Variants in DCC observed in about 807,000 individuals in gnomAD.
DCC encodes netrin receptor DCC.
In DCC, 58 loss-of-function variants were observed where a neutral mutation model predicts 172.5. The ratio of observed to expected loss-of-function variants is 0.34; its 90% CI spans 0.27 to 0.42. The LOEUF (loss-of-function observed/expected upper bound fraction) is 0.42, where lower values mean the gene tolerates loss of function less well. DCC is among the 10% of genes least tolerant of loss of function. DCC has a pLI of 1.00. For synonymous variants in DCC, 709 were observed against 644.5 expected (o/e 1.10, Z -1.52); for missense variants, 1,740 against 1,791.0 (o/e 0.97, Z 0.51).
intron 1 of DCC, among the ~76,000 whole-genome samples, chr18:52,425,786 C>T (rs974317328): frequency 2.0e-5 from 3 of 152,132 alleles, no homozygotes; most frequent in East Asian, 3.9e-4. Flanking sequence ...CAGCTCCACT[C>T]ATAGAAATTA....
rs1196659650 is a variant in DCC, at chr18:53,012,655, T to C, written c.986-50650T>C. Among the ~76,000 whole-genome samples, 5 of 152,256 alleles carry C rather than the reference T, an allele frequency of 3.3e-5. No homozygotes were observed. In the East Asian group the frequency reaches 5.8e-4, roughly 18 times the overall value. On this transcript the variant is annotated intron_variant, in intron 5 of 28. Coordinates refer to ENST00000442544, the MANE Select transcript of DCC (RefSeq NM_005215.4). ...AATCATGTGATACAGTTAAGATTTA[T>C]AGATTTTGCCAAATGTAAATTATGT...
chr18:52,844,130 T>A (rs2038848469), intron 2 of DCC, among the ~76,000 whole-genome samples: 1 of 152,148 alleles, frequency 6.6e-6, no homozygotes, highest in African/African-American at 2.4e-5. Context: ...TTAATCCACA[T>A]AACAGAGACA....
rs944878201 is a variant in DCC, at chr18:53,427,792, G to A, written c.3164-7352G>A. On this transcript the variant is annotated intron_variant, in intron 21 of 28. Coordinates refer to ENST00000442544, the MANE Select transcript of DCC (RefSeq NM_005215.4). ...TAGAATTCAGAGGAGTAACCAATGT[G>A]CTTCTAAAAACAGAAATATATATAA... Among the ~76,000 whole-genome samples, 21 of 135,640 alleles carry A rather than the reference G, an allele frequency of 1.5e-4. No individual in the cohort carries two copies. In the East Asian group the frequency reaches 4.7e-3, roughly 30 times the overall value. 89.0% of individuals were successfully genotyped at this position (135,640 alleles called of 152,430 possible). A position where few individuals can be genotyped will look rare whatever the true frequency, so the allele number is the denominator to read the frequency against.
At chr18:52,541,303 T>C (rs991882282) in intron 1 of DCC, among the ~76,000 whole-genome samples, 1 of 152,220 alleles carries the variant, frequency 6.6e-6, no homozygotes, top group Admixed American at 6.5e-5. Context: ...GCAAAAGCAA[T>C]TGAGCTCAGA....
rs149690797 is a variant in DCC, at chr18:52,423,305, T to C, written c.91+82427T>C. On this transcript the variant is annotated intron_variant, in intron 1 of 28. Transcript: ENST00000442544. Reference sequence around the variant, plus strand: ...TAGAGAAGCCCTGCAGAGGTAGAGATATCTTCAAACTGGGGGATCTGCAAA... The same window carrying C: ...TAGAGAAGCCCTGCAGAGGTAGAGACATCTTCAAACTGGGGGATCTGCAAA... Among the ~76,000 whole-genome samples, 839 of 152,192 alleles carry C rather than the reference T, an allele frequency of 5.5e-3. 9 individuals are homozygous for C. Among genetic ancestry groups the C allele is most frequent in the African/African-American group, 0.019 (787 of 41,534 alleles).
At chr18:53,175,068 A>G (rs1202854914) in intron 8 of DCC, among the ~76,000 whole-genome samples, 3 of 152,042 alleles carry the variant, frequency 2.0e-5, no homozygotes, top group Non-Finnish European at 4.4e-5. Flanking sequence ...AGAGCCAAAG[A>G]CAAAAACCAC....
At chr18:53,403,602 A>G (rs1018250919) in intron 19 of DCC, among the ~76,000 whole-genome samples, 34 of 152,348 alleles carry the variant, frequency 2.2e-4, no homozygotes, top group African/African-American at 7.2e-4. Flanking sequence ...TCTCCATAGC[A>G]TATAATTATT....
intron 12 of DCC, among the ~76,000 whole-genome samples, chr18:53,261,080 G>A (rs1224093029): frequency 4.6e-5 from 7 of 152,076 alleles, no homozygotes; most frequent in East Asian, 3.9e-4. Context: ...GGAGTGACCC[G>A]ATTTTCCAGG....
intron 14 of DCC, among the ~76,000 whole-genome samples, chr18:53,322,793 TA>T: frequency 6.6e-6 from 1 of 151,774 alleles, no homozygotes; most frequent in East Asian, 1.9e-4. Flanking sequence ...ACTAAATTTT[TA>T]AAATAAAATT....
chr18:53,048,245 A>ATT (rs199612587), intron 5 of DCC, among the ~76,000 whole-genome samples: 1 of 147,428 alleles, frequency 6.8e-6, no homozygotes, highest in African/African-American at 2.5e-5. Context: ...CCCAATAGGT[A>ATT]TTTTTTTTTT....
At chr18:52,811,406 C>T (rs2038196299) in intron 2 of DCC, among the ~76,000 whole-genome samples, 1 of 152,088 alleles carries the variant, frequency 6.6e-6, no homozygotes, top group African/African-American at 2.4e-5. Flanking sequence ...TCCAGTGATT[C>T]AACAGAAAAT....
intron 5 of DCC, among the ~76,000 whole-genome samples, chr18:52,966,014 C>T (rs1189703389): frequency 1.3e-5 from 2 of 152,164 alleles, no homozygotes; most frequent in East Asian, 3.9e-4. Flanking sequence ...AAAGGAATAT[C>T]ATGCTTGTCT....
intron 25 of DCC, among the ~76,000 whole-genome samples, chr18:53,468,743 T>C (rs2045658955): frequency 6.6e-6 from 1 of 152,148 alleles, no homozygotes; most frequent in Non-Finnish European, 1.5e-5. Flanking sequence ...ATAATCTAGC[T>C]CCTTTAAAGC....
At chr18:52,664,667 T>G (rs2144955784) in intron 1 of DCC, among the ~76,000 whole-genome samples, 1 of 151,930 alleles carries the variant, frequency 6.6e-6, no homozygotes, top group East Asian at 2.0e-4. Flanking sequence ...GAGACGGGGT[T>G]TCACCGTGTT....
chr18:53,520,319 A>G (rs181363334), intron 27 of DCC, among the ~76,000 whole-genome samples: 247 of 152,216 alleles, frequency 1.6e-3, no homozygotes, highest in Non-Finnish European at 2.9e-3. Context: ...TCACTCACTA[A>G]TCCACATGCC....
intron 2 of DCC, among the ~76,000 whole-genome samples, chr18:52,868,166 T>G (rs2039260454): frequency 2.0e-5 from 3 of 151,880 alleles, no homozygotes; most frequent in Admixed American, 2.0e-4. Flanking sequence ...TCTTTTTAAT[T>G]TAACAGATTC....
chr18:53,100,972 G>T (rs897490233), intron 7 of DCC, among the ~76,000 whole-genome samples: 3 of 152,016 alleles, frequency 2.0e-5, no homozygotes, highest in Admixed American at 6.6e-5. Context: ...CAGACCATGG[G>T]GGAGGAAGAC....
chr18:52,479,672 A>G (rs1426540580), intron 1 of DCC, among the ~76,000 whole-genome samples: 2 of 150,802 alleles, frequency 1.3e-5, no homozygotes, highest in African/African-American at 4.9e-5. Context: ...ATTGTTAGCT[A>G]ATCCATTCAA....
intron 3 of DCC, 34 bp from the exon 4 acceptor site, chr18:52,923,673 A>G (rs762770835): frequency 4.6e-6 from 7 of 1,508,938 alleles, no homozygotes; most frequent in Non-Finnish European, 6.5e-6. Flanking sequence ...AATGTTTTTC[A>G]TATATCATAT....
Sources: allele counts gnomAD v4.1 joint callset (sites outside exome capture counted in the v4.1 genomes callset), GRCh38; gene constraint gnomAD v4.1.1; transcripts MANE v1.5; gene names NCBI Gene and HGNC (gene_info 2026-07-23, HGNC 2026-07-21).